The following CSMD1 variants were observed in gnomAD, a reference collection of about 807,000 sequenced individuals.
CSMD1 encodes the protein CUB and Sushi multiple domains 1, also known as CUB and sushi domain-containing protein 1.
CSMD1 carries 213 observed loss-of-function variants against 417.5 expected under a neutral mutation model. That is an observed-to-expected ratio of 0.51 (90% CI 0.46 to 0.57). CSMD1 has a LOEUF of 0.57. Ranked by LOEUF, CSMD1 falls within the 20% of genes least tolerant of loss-of-function variation. The pLI, the probability that CSMD1 is intolerant of heterozygous loss-of-function variation, is 0.00. For synonymous variants in CSMD1, 2,862 were observed against 1,736.8 expected, an observed-to-expected ratio of 1.65 and a Z score of -16.11; for missense variants, 6,923 against 4,529.7, an observed-to-expected ratio of 1.53 and a Z score of -15.17.
intron 3 of CSMD1, among the ~76,000 whole-genome samples, chr8:4,211,488 C>T (rs572914215): frequency 7.2e-5 from 11 of 152,270 alleles, no homozygotes; most frequent in African/African-American, 2.6e-4. Context: ...TTGAAAATTT[C>T]ACTGGGTGTT....
intron 3 of CSMD1, among the ~76,000 whole-genome samples, chr8:4,152,981 G>T (rs901908453): frequency 6.6e-6 from 1 of 152,142 alleles, no homozygotes; most frequent in Non-Finnish European, 1.5e-5. Flanking sequence ...TTTCTGCTAT[G>T]ACAAGGTGAA....
At chr8:4,688,383 G>C (rs1806526419) in intron 1 of CSMD1, among the ~76,000 whole-genome samples, 1 of 152,138 alleles carries the variant, frequency 6.6e-6, no homozygotes, top group South Asian at 2.1e-4. Context: ...ATCAGGTTGA[G>C]CGTGGCCTAA....
intron 19 of CSMD1, among the ~76,000 whole-genome samples, chr8:3,368,079 T>G (rs1809718815): frequency 6.6e-6 from 1 of 152,206 alleles, no homozygotes; most frequent in East Asian, 1.9e-4. Flanking sequence ...GTGAAATTAA[T>G]AAAATTAACT....
At chr8:3,497,199 T>C (rs746926036) in intron 10 of CSMD1, among the ~76,000 whole-genome samples, 1 of 152,182 alleles carries the variant, frequency 6.6e-6, no homozygotes, top group Non-Finnish European at 1.5e-5. Flanking sequence ...CACTTCTTTA[T>C]TAATTTTCTG....
intron 3 of CSMD1, among the ~76,000 whole-genome samples, chr8:4,151,662 G>A (rs1413127893): frequency 6.6e-6 from 1 of 152,150 alleles, no homozygotes; most frequent in East Asian, 1.9e-4. Context: ...TTATTATTAT[G>A]TCAACATTAT....
chr8:3,475,553 T>A (rs1442592370), intron 11 of CSMD1, among the ~76,000 whole-genome samples: 3 of 152,200 alleles, frequency 2.0e-5, no homozygotes, highest in African/African-American at 7.2e-5. Context: ...AATCATTTTA[T>A]CTGTATTCCA....
At chr8:4,962,490 C>A (rs1365614031) in intron 1 of CSMD1, among the ~76,000 whole-genome samples, 1 of 152,156 alleles carries the variant, frequency 6.6e-6, no homozygotes, top group Non-Finnish European at 1.5e-5. Context: ...AGATTCCAGG[C>A]ATGTCCCATC....
At chr8:3,257,377 G>C (rs529954137) in intron 26 of CSMD1, among the ~76,000 whole-genome samples, 5 of 152,330 alleles carry the variant, frequency 3.3e-5, no homozygotes, top group Non-Finnish European at 1.5e-5. Flanking sequence ...CTACTCACTT[G>C]GGACACATCA....
intron 55 of CSMD1, 42 bp from the exon 56 acceptor site, chr8:2,974,666 T>A: frequency 6.9e-7 from 1 of 1,452,696 alleles, no homozygotes; most frequent in Non-Finnish European, 9.2e-7. Flanking sequence ...TCCTTCCAGT[T>A]AAACCACTTT....
Position 3,720,449 on chromosome 8 carries a change from G to C in CSMD1, c.932-11958C>G, listed in dbSNP as rs147121866. On this transcript the variant is annotated intron_variant, in intron 6 of 69. Transcript: ENST00000635120. ...ACTATTTCCTTTAAGCACTTCAACA[G>C]AATACATGTGTCCTTTCAGATCTGT... Among the ~76,000 whole-genome samples, 328 of 152,250 alleles carry C rather than the reference G, an allele frequency of 2.2e-3. 1 individual carries two copies. Among genetic ancestry groups the C allele is most frequent in the African/African-American group, 7.6e-3 (316 of 41,530 alleles).
chr8:2,983,024 T>G (rs1805558708), intron 54 of CSMD1, among the ~76,000 whole-genome samples: 1 of 152,168 alleles, frequency 6.6e-6, no homozygotes, highest in Non-Finnish European at 1.5e-5. Context: ...AGGATTCGTA[T>G]CTATTCGATT....
chr8:3,430,736 G>A (rs1039370846), intron 12 of CSMD1, among the ~76,000 whole-genome samples: 1 of 152,174 alleles, frequency 6.6e-6, no homozygotes, highest in Non-Finnish European at 1.5e-5. Context: ...GAACCCTGGA[G>A]GTGGAGGTTG....
chr8:3,893,086 A>G (rs2129128396), intron 5 of CSMD1, among the ~76,000 whole-genome samples: 1 of 152,090 alleles, frequency 6.6e-6, no homozygotes. Flanking sequence ...TGCTGGAATT[A>G]GCTTTCTATT....
chr8:4,322,716 C>T (rs1161339774), intron 3 of CSMD1, among the ~76,000 whole-genome samples: 1 of 152,150 alleles, frequency 6.6e-6, no homozygotes, highest in Non-Finnish European at 1.5e-5. Context: ...GCAGTAGGGG[C>T]CAGGCACGGG....
chr8:3,350,213 CCTATAATAACCTATAATAACTTGTG>C, intron 21 of CSMD1, among the ~76,000 whole-genome samples: 1 of 119,608 alleles, frequency 8.4e-6, no homozygotes, highest in South Asian at 2.7e-4. Context: ...TGTTATAATA[CCTATAATAACCTATAATAACTTGTG>C]TATGTGTGTG....
chr8:4,736,045 T>A (rs190092725), intron 1 of CSMD1, among the ~76,000 whole-genome samples: 14 of 152,288 alleles, frequency 9.2e-5, no homozygotes, highest in Admixed American at 9.2e-4. Context: ...TTATGGACAT[T>A]TGTATTGCCC....
intron 2 of CSMD1, among the ~76,000 whole-genome samples, chr8:4,455,954 A>AAAAAAAAAAAAAAAAAC (rs1383780318): frequency 7.0e-6 from 1 of 142,052 alleles, no homozygotes; most frequent in Non-Finnish European, 1.5e-5. Flanking sequence ...AAAAAAAAAA[A>AAAAAAAAAAAAAAAAAC]AAAAAAAAAT....
rs1243893662 is a variant in CSMD1 at position 3,841,826 on chromosome 8, C to G, written c.819-87784G>C. ...AGCCCATGATCTGTGTTCAAAGCAC[C>G]GAGACTTTGCATCAAGCTAGCAGCT... On this transcript the variant is annotated intron_variant, in intron 5 of 69. Coordinates refer to ENST00000635120, the MANE Select transcript of CSMD1 (RefSeq NM_033225.6). Among the ~76,000 whole-genome samples the G allele has an allele frequency of 4.6e-5, 7 of 152,002 alleles. No individual in the cohort carries two copies. In the East Asian group the frequency reaches 1.4e-3, roughly 29 times the overall value.
chr8:4,591,502 G>C (rs980730783), intron 2 of CSMD1, among the ~76,000 whole-genome samples: 3 of 152,194 alleles, frequency 2.0e-5, no homozygotes, highest in Admixed American at 6.5e-5. Context: ...GGTAGGTCCA[G>C]GGAAGTCACT....
Sources: gnomAD v4.1 joint callset for allele counts (sites outside exome capture counted in the v4.1 genomes callset) on GRCh38, gnomAD v4.1.1 for gene constraint, MANE v1.5 for transcripts, NCBI Gene and HGNC (gene_info 2026-07-23, HGNC 2026-07-21) for gene names.